BMP7: variants seen among roughly 807,000 people sequenced by gnomAD.
BMP7 encodes bone morphogenetic protein 7, also known as osteogenic protein 1.
Under a neutral mutation model 41.2 loss-of-function variants are expected in BMP7, and 12 were observed. The observed-to-expected ratio is 0.29, with a 90% confidence interval of 0.19 to 0.47. BMP7 has a LOEUF of 0.47. Ranked by LOEUF, BMP7 falls within the 20% of genes least tolerant of loss-of-function variation. The probability of loss-of-function intolerance (pLI) is 0.99; values close to 1 mark genes in which losing one functional copy is unlikely to be tolerated. For missense variants in BMP7, 467 were observed against 606.0 expected (o/e 0.77, Z 2.41); for synonymous variants, 248 against 250.0 (o/e 0.99, Z 0.07).
chr20:57,225,047 G>A (rs1306843230), intron 2 of BMP7, among the ~76,000 whole-genome samples: 1 of 152,210 alleles, frequency 6.6e-6, no homozygotes, highest in African/African-American at 2.4e-5. Flanking sequence ...CTGCACAGCT[G>A]GGCAGCTGGC....
Position 57,228,452 on chromosome 20 carries a change from C to T in BMP7, c.419-31G>A, listed in dbSNP as rs370623293. ...AGAGGAAGAGAACACACACCAACAC[C>T]GACAGCTCATTAGTGTCTGGGTTTC... On this transcript the variant is annotated intron_variant, in intron 1 of 6. Transcript: ENST00000395863. The surrounding 1 kb of genome is among the most constrained non-coding windows in gnomAD (Gnocchi z 4.5). 2.4e-5 allele frequency: 39 copies of T among 1,608,356 alleles called. No individual in the cohort carries two copies. The highest frequency in any genetic ancestry group is 4.4e-5 in the South Asian group (4 of 90,932).
At chr20:57,190,651 G>C (rs528985768) in intron 3 of BMP7, among the ~76,000 whole-genome samples, 1 of 152,188 alleles carries the variant, frequency 6.6e-6, no homozygotes, top group South Asian at 2.1e-4. Flanking sequence ...CTGGGAGAGA[G>C]AGTGGTGGTC....
intron 3 of BMP7, among the ~76,000 whole-genome samples, chr20:57,199,774 A>T (rs1246951714): frequency 6.6e-6 from 1 of 152,046 alleles, no homozygotes; most frequent in Non-Finnish European, 1.5e-5. Context: ...CTCCCTGACA[A>T]TCCAAGTGGG....
chr20:57,241,928 T>C (rs1443236754), intron 1 of BMP7, among the ~76,000 whole-genome samples: 2 of 152,140 alleles, frequency 1.3e-5, no homozygotes, highest in East Asian at 3.9e-4. Flanking sequence ...TGAGGCCAGT[T>C]CTTTGCCTAA....
At chr20:57,257,862 T>A (rs2066139886) in intron 1 of BMP7, among the ~76,000 whole-genome samples, 1 of 148,150 alleles carries the variant, frequency 6.7e-6, no homozygotes, top group African/African-American at 2.5e-5. Flanking sequence ...TGCCTTTGTG[T>A]GTGTAAGTTG....
chr20:57,180,997 T>C (rs1984066836), intron 4 of BMP7, among the ~76,000 whole-genome samples: 1 of 152,200 alleles, frequency 6.6e-6, no homozygotes, highest in South Asian at 2.1e-4. Context: ...CGCCAGGACC[T>C]TTCTCAATAG....
chr20:57,207,660 T>C (rs1984762616), intron 2 of BMP7, among the ~76,000 whole-genome samples: 1 of 152,146 alleles, frequency 6.6e-6, no homozygotes, highest in Non-Finnish European at 1.5e-5. Flanking sequence ...GGTGGAAATA[T>C]GATAGGAAGG....
At chr20:57,235,700 G>T (rs1159772007) in intron 1 of BMP7, among the ~76,000 whole-genome samples, 2 of 152,154 alleles carry the variant, frequency 1.3e-5, no homozygotes, top group African/African-American at 2.4e-5. Flanking sequence ...AAGAAACAGG[G>T]CATGCTGGGG....
At position 57,224,991 on chromosome 20, in the gene BMP7, C is replaced by T. The variant is rs146611197; in HGVS notation, c.611+3238G>A. Among the ~76,000 whole-genome samples the T allele has an allele frequency of 1.6e-3, 248 of 152,360 alleles. 1 individual carries two copies. Among genetic ancestry groups the T allele is most frequent in the African/African-American group, 5.7e-3 (239 of 41,590 alleles). On this transcript the variant is annotated intron_variant, in intron 2 of 6. Coordinates refer to ENST00000395863, the MANE Select transcript of BMP7 (RefSeq NM_001719.3). This position sits in a 1 kb window ranked among gnomAD's most constrained non-coding sequence, Gnocchi z 4.8. ...AAAGCCGGCTAATCCTCGGCACCCCCGGGGCTTTCCTGGAGCTCAGGCACA... is the reference window on the plus strand; with the variant it reads ...AAAGCCGGCTAATCCTCGGCACCCCTGGGGCTTTCCTGGAGCTCAGGCACA...
intron 1 of BMP7, among the ~76,000 whole-genome samples, chr20:57,263,404 T>TG (rs1418618663): frequency 6.6e-6 from 1 of 152,104 alleles, no homozygotes; most frequent in African/African-American, 2.4e-5. Flanking sequence ...CCTGCCGCCA[T>TG]GGGGGGAGCA....
chr20:57,244,817 C>A (rs2066083449), intron 1 of BMP7, among the ~76,000 whole-genome samples: 1 of 152,224 alleles, frequency 6.6e-6, no homozygotes, highest in South Asian at 2.1e-4. Context: ...CAGGAGGAGC[C>A]TGCTCAGACC....
intron 2 of BMP7, among the ~76,000 whole-genome samples, chr20:57,221,811 C>CAAAAAA (rs57893562): frequency 7.8e-6 from 1 of 127,612 alleles, no homozygotes; most frequent in Non-Finnish European, 1.7e-5. Flanking sequence ...CCCTATCTCT[C>CAAAAAA]AAAAAAAAAA....
chr20:57,235,353 A>G (rs1054390166), intron 1 of BMP7, among the ~76,000 whole-genome samples: 1 of 152,204 alleles, frequency 6.6e-6, no homozygotes, highest in Admixed American at 6.5e-5. Flanking sequence ...TTTGGTGAAC[A>G]CGTGTCCACT....
intron 2 of BMP7, among the ~76,000 whole-genome samples, chr20:57,217,635 G>T (rs1211270012): frequency 6.6e-6 from 1 of 152,148 alleles, no homozygotes; most frequent in Non-Finnish European, 1.5e-5. Context: ...CCCTCCAAAC[G>T]CTGGGTGACT....
At chr20:57,226,156 T>G (rs1184472796) in intron 2 of BMP7, among the ~76,000 whole-genome samples, 1 of 152,126 alleles carries the variant, frequency 6.6e-6, no homozygotes, top group Admixed American at 6.5e-5. Flanking sequence ...ATCCACCCCA[T>G]GGATCTCAGG....
intron 3 of BMP7, among the ~76,000 whole-genome samples, chr20:57,186,320 G>A (rs1472456206): frequency 1.3e-5 from 2 of 152,026 alleles, no homozygotes; most frequent in Admixed American, 6.5e-5. Flanking sequence ...ATGGGGTCCC[G>A]GAAAACAGGG....
intron 3 of BMP7, among the ~76,000 whole-genome samples, chr20:57,184,464 A>G (rs959407571): frequency 1.3e-5 from 2 of 152,102 alleles, no homozygotes; most frequent in African/African-American, 4.8e-5. Flanking sequence ...CGGAGGCAGG[A>G]GCAAGGAGGG....
In BMP7 at chr20:57,174,914, C is replaced by T. The variant is rs372806147; in HGVS notation, c.1035+17G>A. On this transcript the variant is annotated intron_variant, in intron 5 of 6. Transcript: ENST00000395863. The surrounding 1 kb of genome is among the most constrained non-coding windows in gnomAD (Gnocchi z 4.3). Reference sequence around the variant, plus strand: ...CCAGAGGGCCCACACCCAAGACAGACCCAGCCAGCCCCTTACCTGCCAGCC... The same window carrying T: ...CCAGAGGGCCCACACCCAAGACAGATCCAGCCAGCCCCTTACCTGCCAGCC... 4 of 1,607,866 alleles carry T rather than the reference C, an allele frequency of 2.5e-6. No individual in the cohort carries two copies. The highest frequency in any genetic ancestry group is 2.2e-5 in the South Asian group (2 of 90,436).
chr20:57,248,980 T>A (rs1388660736), intron 1 of BMP7, among the ~76,000 whole-genome samples: 2 of 151,952 alleles, frequency 1.3e-5, no homozygotes, highest in Non-Finnish European at 1.5e-5. Flanking sequence ...TTTTTGTATT[T>A]TTAGTAGAGA....
Sources: allele counts gnomAD v4.1 joint callset (sites outside exome capture counted in the v4.1 genomes callset), GRCh38; gene constraint gnomAD v4.1.1; non-coding constraint Gnocchi (gnomAD v3.1); transcripts MANE v1.5; gene names NCBI Gene and HGNC (gene_info 2026-07-23, HGNC 2026-07-21).